HAT1: variants seen among roughly 807,000 people sequenced by gnomAD.
HAT1 encodes the protein histone acetyltransferase type B catalytic subunit.
Under a neutral mutation model 56.6 loss-of-function variants are expected in HAT1, and 20 were observed. That is an observed-to-expected ratio of 0.35 (90% CI 0.25 to 0.51). The LOEUF (loss-of-function observed/expected upper bound fraction) is 0.51, where lower values mean the gene tolerates loss of function less well. Among genes scored for constraint, HAT1 ranks in the 20% least tolerant of loss-of-function variants. The probability of loss-of-function intolerance (pLI) is 0.95; values close to 1 mark genes in which losing one functional copy is unlikely to be tolerated. For missense variants in HAT1, 408 were observed against 504.3 expected (o/e 0.81, Z 1.83); for synonymous variants, 146 against 165.5 (o/e 0.88, Z 0.91).
chr2:171,974,190 AAAG>A (rs1183437354), intron 8 of HAT1, among the ~76,000 whole-genome samples: 20 of 124,842 alleles, frequency 1.6e-4, no homozygotes, highest in Admixed American at 6.2e-4. Context: ...AAAAAAAAAA[AAAG>A]AAAAAAAGAA....
In HAT1 at chr2:171,965,318, T is replaced by C; in HGVS notation, c.310-20T>C. The C allele has an allele frequency of 6.9e-7, 1 of 1,449,864 alleles. No homozygotes were observed. Among genetic ancestry groups the C allele is most frequent in the Non-Finnish European group, 9.5e-7 (1 of 1,053,586 alleles). The allele number at this position is 1,449,864 out of a possible 1,614,324, so 89.8% of individuals were successfully genotyped here. A position where few individuals can be genotyped will look rare whatever the true frequency, so the allele number is the denominator to read the frequency against. On this transcript the variant is annotated intron_variant, in intron 4 of 10. Transcript: ENST00000264108. ...TAAAGTCGAATTTGTTATTAATTTT[T>C]TATATCCTTTATTCTTTAGGCAGAT... is the stretch of plus-strand genomic sequence containing the variant.
intron 2 of HAT1, among the ~76,000 whole-genome samples, chr2:171,939,789 T>G (rs1312248172): frequency 6.6e-6 from 1 of 151,802 alleles, no homozygotes; most frequent in Non-Finnish European, 1.5e-5. Context: ...AAACAACTCC[T>G]TTTTTTCTTT....
At chr2:171,940,398 A>G (rs1306263513) in intron 2 of HAT1, among the ~76,000 whole-genome samples, 3 of 152,140 alleles carry the variant, frequency 2.0e-5, no homozygotes, top group Non-Finnish European at 4.4e-5. Flanking sequence ...CTGCTATTTC[A>G]TTAGTTCTTC....
intron 8 of HAT1, among the ~76,000 whole-genome samples, chr2:171,970,371 C>T (rs1687782411): frequency 6.6e-6 from 1 of 151,630 alleles, no homozygotes; most frequent in Non-Finnish European, 1.5e-5. Context: ...GCCACTGCAC[C>T]CCACCCTGGT....
At chr2:171,931,696 G>C (rs997273634) in intron 2 of HAT1, among the ~76,000 whole-genome samples, 1 of 152,136 alleles carries the variant, frequency 6.6e-6, no homozygotes, top group Non-Finnish European at 1.5e-5. Context: ...CAGCCATATA[G>C]TACAGTCAGC....
intron 2 of HAT1, among the ~76,000 whole-genome samples, chr2:171,929,784 C>T (rs1238703409): frequency 1.3e-5 from 2 of 151,990 alleles, no homozygotes; most frequent in African/African-American, 2.4e-5. Flanking sequence ...CTGGACTTTT[C>T]TCATTCATTG....
rs767562253 is a variant in HAT1, at chr2:171,965,320, A to G, written c.310-18A>G. 7.5e-6 allele frequency: 11 copies of G among 1,460,330 alleles called. No individual in the cohort carries two copies. The highest frequency in any genetic ancestry group is 1.0e-5 in the Non-Finnish European group (11 of 1,062,956). The allele number at this position is 1,460,330 out of a possible 1,614,324, so 90.5% of individuals were successfully genotyped here. Reference sequence around the variant, plus strand: ...AAGTCGAATTTGTTATTAATTTTTTATATCCTTTATTCTTTAGGCAGATGA... The same window carrying G: ...AAGTCGAATTTGTTATTAATTTTTTGTATCCTTTATTCTTTAGGCAGATGA... On this transcript the variant is annotated intron_variant, in intron 4 of 10. Coordinates refer to ENST00000264108, the MANE Select transcript of HAT1 (RefSeq NM_003642.4).
Position 171,979,324 on chromosome 2 carries a change from C to T in HAT1, c.1053C>T (p.Tyr351=), listed in dbSNP as rs1688072943. Residue 351 remains tyrosine, a synonymous_variant, in exon 10 of 11, where the codon TAC becomes TAT. Coordinates refer to ENST00000264108, the MANE Select transcript of HAT1 (RefSeq NM_003642.4). ...DMSDAEQYRS[Y]RLDIKRRLIS... ...GTGATGCCGAACAATACAGAAGCTA[C>T]AGACTGGATATTAAAAGAAGACTAA... 6.2e-7 allele frequency: 1 copy of T among 1,600,992 alleles called. No homozygotes were observed. The highest frequency in any genetic ancestry group is 1.3e-5 in the African/African-American group (1 of 74,576).
chr2:171,963,356 GA>G (rs1443951565), intron 4 of HAT1, among the ~76,000 whole-genome samples: 1 of 152,026 alleles, frequency 6.6e-6, no homozygotes, highest in African/African-American at 2.4e-5. Context: ...GACATCCTTT[GA>G]AGGCTGAAAG....
At chr2:171,981,979 T>C (rs1558983198) in intron 10 of HAT1, among the ~76,000 whole-genome samples, 1 of 152,126 alleles carries the variant, frequency 6.6e-6, no homozygotes, top group Non-Finnish European at 1.5e-5. Flanking sequence ...TAAAGTAAAA[T>C]AATTTATTGA....
chr2:171,982,221 G>A (rs1414274201), intron 10 of HAT1, among the ~76,000 whole-genome samples: 5 of 152,122 alleles, frequency 3.3e-5, no homozygotes, highest in Admixed American at 6.5e-5. Flanking sequence ...GAACTGGGCC[G>A]GGTGTGGTGG....
At chr2:171,929,497 A>C (rs965001377) in intron 2 of HAT1, among the ~76,000 whole-genome samples, 29 of 152,110 alleles carry the variant, frequency 1.9e-4, no homozygotes, top group Admixed American at 8.5e-4. Flanking sequence ...TAATTTTAAA[A>C]ATTTCTATTA....
chr2:171,962,119 AT>A (rs1304761418), intron 4 of HAT1, among the ~76,000 whole-genome samples: 2 of 152,084 alleles, frequency 1.3e-5, no homozygotes, highest in Admixed American at 6.5e-5. Context: ...CATTAAAAAA[AT>A]AGATTACTAA....
intron 9 of HAT1, among the ~76,000 whole-genome samples, chr2:171,977,803 C>T (rs1216169038): frequency 2.0e-5 from 3 of 151,378 alleles, no homozygotes; most frequent in Admixed American, 6.6e-5. Flanking sequence ...GTTCTCTTTA[C>T]CTGAAATACT....
intron 8 of HAT1, among the ~76,000 whole-genome samples, chr2:171,970,020 G>T (rs947788376): frequency 1.3e-5 from 2 of 152,060 alleles, no homozygotes; most frequent in Non-Finnish European, 2.9e-5. Flanking sequence ...GCTGGATATG[G>T]TGTCACACAC....
intron 6 of HAT1, 104 bp from the exon 7 acceptor site, chr2:171,966,305 A>G (rs978078041): frequency 1.4e-6 from 1 of 738,566 alleles, no homozygotes; most frequent in African/African-American, 1.7e-5. Context: ...CTCACAGAGT[A>G]GCTTGCTGAC....
chr2:171,940,180 G>A (rs559421373), intron 2 of HAT1, among the ~76,000 whole-genome samples: 1 of 152,316 alleles, frequency 6.6e-6, no homozygotes, highest in African/African-American at 2.4e-5. Context: ...TCCCTGATAT[G>A]TAATCATTCA....
rs200949619 is a variant in HAT1, at chr2:171,922,469, C to A, written c.-32C>A. On this transcript the variant is annotated 5_prime_UTR_variant, in exon 1 of 11. Transcript: ENST00000264108. Reference sequence around the variant, plus strand: ...CCGGGAGCGCGCGGGTTGATTCGTCCTTCCTCAGCCGCGGGTGATCGTAGC... The same window carrying A: ...CCGGGAGCGCGCGGGTTGATTCGTCATTCCTCAGCCGCGGGTGATCGTAGC... 1.5e-6 allele frequency: 2 copies of A among 1,318,046 alleles called. No homozygotes were observed. The highest frequency in any genetic ancestry group is 9.8e-7 in the Non-Finnish European group (1 of 1,024,168). 81.6% of individuals were successfully genotyped at this position (1,318,046 alleles called of 1,614,324 possible).
At chr2:171,954,861 A>G (rs1384080940) in intron 4 of HAT1, among the ~76,000 whole-genome samples, 2 of 152,340 alleles carry the variant, frequency 1.3e-5, no homozygotes, top group East Asian at 3.9e-4. Flanking sequence ...GTGGACCTAA[A>G]TGTAATGACA....
Sources: gnomAD v4.1 joint callset for allele counts (sites outside exome capture counted in the v4.1 genomes callset) on GRCh38, gnomAD v4.1.1 for gene constraint, MANE v1.5 for transcripts, NCBI Gene and HGNC (gene_info 2026-07-23, HGNC 2026-07-21) for gene names.